SEMA3C: variants seen among roughly 807,000 people sequenced by gnomAD.
SEMA3C encodes semaphorin 3C.
SEMA3C carries 47 observed loss-of-function variants against 89.4 expected under a neutral mutation model. That is an observed-to-expected ratio of 0.53 (90% CI 0.42 to 0.67). The LOEUF (loss-of-function observed/expected upper bound fraction) is 0.67. SEMA3C is among the 30% of genes least tolerant of loss of function. The probability of loss-of-function intolerance (pLI) is 0.00; values close to 1 mark genes in which losing one functional copy is unlikely to be tolerated. For synonymous variants in SEMA3C, 310 were observed against 320.2 expected (o/e 0.97, Z 0.34); for missense variants, 839 against 929.1 (o/e 0.90, Z 1.26).
At chr7:80,824,594 C>A (rs1479271119) in intron 4 of SEMA3C, among the ~76,000 whole-genome samples, 3 of 152,116 alleles carry the variant, frequency 2.0e-5, no homozygotes, top group Admixed American at 2.0e-4. Flanking sequence ...CAAAATCTAT[C>A]AAACCTTTCT....
At chr7:80,750,717 T>C (rs1397201551) in intron 16 of SEMA3C, among the ~76,000 whole-genome samples, 2 of 151,736 alleles carry the variant, frequency 1.3e-5, no homozygotes, top group Non-Finnish European at 2.9e-5. Context: ...AGAAGTAGAA[T>C]GGTGGTTTCT....
At chr7:80,809,424 C>T (rs1053043197) in intron 6 of SEMA3C, among the ~76,000 whole-genome samples, 2 of 152,072 alleles carry the variant, frequency 1.3e-5, no homozygotes, top group Admixed American at 6.5e-5. Context: ...GTTTCAATTC[C>T]TTTGGATATA....
rs553296660 is a variant in SEMA3C, at chr7:80,794,314, C to G, written c.1131+3778G>C. The stretch of plus-strand genomic sequence containing the variant: ...CAGACTGTTTTACTACAATCTCTCT[C>G]TCCTCTAAACTTTAATAATATTTAT... On this transcript the variant is annotated intron_variant, in intron 11 of 17. Coordinates refer to ENST00000265361, the MANE Select transcript of SEMA3C (RefSeq NM_006379.5). 8.5e-5 allele frequency among the ~76,000 whole-genome samples: 13 copies of G among 152,206 alleles called. No homozygotes were observed. The East Asian group carries it at 2.5e-3, about 29-fold the overall frequency.
At chr7:80,757,947 C>T (rs1562861454) in intron 15 of SEMA3C, among the ~76,000 whole-genome samples, 1 of 152,042 alleles carries the variant, frequency 6.6e-6, no homozygotes, top group Non-Finnish European at 1.5e-5. Context: ...GCCTGGGTGA[C>T]AGAGCGAGAC....
chr7:80,752,254 T>C (rs1339808669), intron 15 of SEMA3C, among the ~76,000 whole-genome samples: 1 of 152,192 alleles, frequency 6.6e-6, no homozygotes, highest in African/African-American at 2.4e-5. Context: ...TTAACCAGCT[T>C]CCAGTCAAGT....
chr7:80,857,425 C>T (rs1041581203), intron 2 of SEMA3C, among the ~76,000 whole-genome samples: 13 of 152,092 alleles, frequency 8.5e-5, no homozygotes, highest in African/African-American at 1.2e-4. Context: ...CGAGAAAAAA[C>T]AAAATCCAAT....
rs1787930986 is a variant in SEMA3C at position 80,751,356 on chromosome 7, T to C, written c.1644-20A>G. 6.2e-7 allele frequency: 1 copy of C among 1,607,038 alleles called. No homozygotes were observed. The highest frequency in any genetic ancestry group is 1.1e-5 in the South Asian group (1 of 90,934). On this transcript the variant is annotated intron_variant, in intron 15 of 17. Coordinates refer to ENST00000265361, the MANE Select transcript of SEMA3C (RefSeq NM_006379.5). ...CTCCTCCTGCAAGTGCAGAAATACATAAAAGTGACTGAGAATTATCACTGC... is the reference window on the plus strand; with the variant it reads ...CTCCTCCTGCAAGTGCAGAAATACACAAAAGTGACTGAGAATTATCACTGC...
chr7:80,918,813 A>T lies in SEMA3C; in HGVS notation c.-39+15T>A. ...TGCTAAATCTGTAATGCGGAAAATG[A>T]CCAATTTAGCTTACCGAGGTTGAAA... On this transcript the variant is annotated intron_variant, in intron 1 of 17. Transcript: ENST00000265361. 1 of 985,432 alleles carries T rather than the reference A, an allele frequency of 1.0e-6. No individual in the cohort carries two copies. Among genetic ancestry groups the T allele is most frequent in the South Asian group, 4.7e-5 (1 of 21,288 alleles). The allele number at this position is 985,432 out of a possible 1,614,324, so 61.0% of individuals were successfully genotyped here.
chr7:80,897,063 C>T (rs545362084), intron 2 of SEMA3C, among the ~76,000 whole-genome samples: 146 of 152,312 alleles, frequency 9.6e-4, no homozygotes, highest in Non-Finnish European at 1.8e-3. Context: ...CAGCAACTTG[C>T]ATGGCCTGAC....
intron 2 of SEMA3C, among the ~76,000 whole-genome samples, chr7:80,903,803 C>T (rs1239318953): frequency 6.6e-6 from 1 of 152,032 alleles, no homozygotes; most frequent in Non-Finnish European, 1.5e-5. Flanking sequence ...AAATGATATA[C>T]AAGGAAACAA....
chr7:80,848,894 T>G (rs931546621), intron 2 of SEMA3C, among the ~76,000 whole-genome samples: 2 of 152,208 alleles, frequency 1.3e-5, no homozygotes, highest in African/African-American at 4.8e-5. Context: ...TTATAAAATT[T>G]AGATAGAAAA....
chr7:80,877,052 T>C (rs1791218499), intron 2 of SEMA3C, among the ~76,000 whole-genome samples: 1 of 152,210 alleles, frequency 6.6e-6, no homozygotes, highest in East Asian at 1.9e-4. Context: ...CCATCTGTCA[T>C]GTTAGATGGT....
intron 2 of SEMA3C, chr7:80,905,969 T>A: frequency 9.3e-7 from 1 of 1,080,958 alleles, no homozygotes; most frequent in Non-Finnish European, 1.2e-6. Context: ...TTTTTTTAAC[T>A]GAATAATAAA....
intron 6 of SEMA3C, among the ~76,000 whole-genome samples, chr7:80,809,267 T>C (rs1204920252): frequency 6.6e-6 from 1 of 152,200 alleles, no homozygotes; most frequent in Non-Finnish European, 1.5e-5. Context: ...CATCTCCTTT[T>C]TGGCATAGCA....
chr7:80,837,884 G>A (rs1321043995), intron 2 of SEMA3C, among the ~76,000 whole-genome samples: 2 of 152,084 alleles, frequency 1.3e-5, no homozygotes, highest in Non-Finnish European at 2.9e-5. Flanking sequence ...CTGGATTGTG[G>A]GGTAGGGGAC....
chr7:80,758,820 G>A (rs3807094), intron 14 of SEMA3C, among the ~76,000 whole-genome samples: 33,798 of 151,996 alleles, frequency 0.22, 4,565 homozygotes, highest in African/African-American at 0.39. Context: ...TTTGAATGCT[G>A]TATCTTAGCA....
At chr7:80,781,499 T>C (rs1788689851) in intron 12 of SEMA3C, among the ~76,000 whole-genome samples, 1 of 152,204 alleles carries the variant, frequency 6.6e-6, no homozygotes, top group African/African-American at 2.4e-5. Flanking sequence ...AATTTGAACT[T>C]TCCCAAGTTC....
Position 80,810,721 on chromosome 7 carries a change from T to C in SEMA3C, c.448-20A>G, listed in dbSNP as rs1789449076. The C allele has an allele frequency of 6.4e-7, 1 of 1,568,750 alleles. No homozygotes were observed. The highest frequency in any genetic ancestry group is 8.8e-7 in the Non-Finnish European group (1 of 1,139,984). ...TTGGTCCTTTATTGTAGATAAAATT[T>C]AAAATGTGGCAATGATAACTTATTT... On this transcript the variant is annotated intron_variant, in intron 5 of 17. Coordinates refer to ENST00000265361, the MANE Select transcript of SEMA3C (RefSeq NM_006379.5).
intron 15 of SEMA3C, among the ~76,000 whole-genome samples, chr7:80,752,713 C>G (rs759968683): frequency 6.6e-5 from 10 of 151,652 alleles, no homozygotes; most frequent in Non-Finnish European, 1.3e-4. Flanking sequence ...GTCTTAGATT[C>G]ACTAAGTACC....
Sources: gnomAD v4.1 joint callset for allele counts (sites outside exome capture counted in the v4.1 genomes callset) on GRCh38, gnomAD v4.1.1 for gene constraint, MANE v1.5 for transcripts, NCBI Gene and HGNC (gene_info 2026-07-23, HGNC 2026-07-21) for gene names.